UTRN: variants seen among roughly 807,000 people sequenced by gnomAD.
UTRN encodes utrophin.
In UTRN, 283 loss-of-function variants were observed where a neutral mutation model predicts 463.9. That is an observed-to-expected ratio of 0.61 (90% CI 0.55 to 0.67). The LOEUF (loss-of-function observed/expected upper bound fraction) is 0.67, where lower values mean the gene tolerates loss of function less well. Ranked by LOEUF, UTRN falls within the 30% of genes least tolerant of loss-of-function variation. The pLI is 0.00. For synonymous variants in UTRN, 1,442 were observed against 1,431.5 expected (o/e 1.01, Z -0.17); for missense variants, 3,922 against 4,084.3 (o/e 0.96, Z 1.08).
chr6:144,467,451 T>C (rs2128564539), intron 23 of UTRN, among the ~76,000 whole-genome samples: 1 of 152,322 alleles, frequency 6.6e-6, no homozygotes. Context: ...AGTTAGCAGA[T>C]GTGAATGTAA....
rs78494409 is a variant in UTRN, at chr6:144,624,528, G to A, written c.7479+47240G>A. Among the ~76,000 whole-genome samples, 1,500 of 152,276 alleles carry A rather than the reference G, an allele frequency of 9.9e-3. 27 individuals are homozygous for A. Among genetic ancestry groups the A allele is most frequent in the African/African-American group, 0.032 (1,346 of 41,530 alleles). ...TGATACCTGGTTATCATGGGTGTGC[G>A]AGAGGGGAGGGAACATTTGGAGATA... On this transcript the variant is annotated intron_variant, in intron 51 of 74. Coordinates refer to ENST00000367545, the MANE Select transcript of UTRN (RefSeq NM_007124.3).
intron 2 of UTRN, among the ~76,000 whole-genome samples, chr6:144,360,492 G>A (rs1778985288): frequency 6.6e-6 from 1 of 152,100 alleles, no homozygotes; most frequent in African/African-American, 2.4e-5. Flanking sequence ...TACCCTTTTG[G>A]AGATAACCCC....
At chr6:144,623,115 T>C (rs1028056995) in intron 51 of UTRN, among the ~76,000 whole-genome samples, 2 of 152,212 alleles carry the variant, frequency 1.3e-5, no homozygotes, top group Non-Finnish European at 2.9e-5. Flanking sequence ...GCTCTGTAAA[T>C]AGAGGACTGA....
intron 51 of UTRN, among the ~76,000 whole-genome samples, chr6:144,612,610 T>A (rs1805639539): frequency 1.3e-5 from 2 of 152,122 alleles, no homozygotes; most frequent in Admixed American, 1.3e-4. Flanking sequence ...ATGCTTAGCA[T>A]CACTAATTAC....
At chr6:144,625,943 A>G (rs1351056858) in intron 51 of UTRN, among the ~76,000 whole-genome samples, 1 of 152,158 alleles carries the variant, frequency 6.6e-6, no homozygotes, top group Non-Finnish European at 1.5e-5. Context: ...AGGAAAAAAA[A>G]TCAGTTTCTG....
At chr6:144,544,327 A>G (rs376587359) in intron 46 of UTRN, among the ~76,000 whole-genome samples, 1 of 152,334 alleles carries the variant, frequency 6.6e-6, no homozygotes, top group South Asian at 2.1e-4. Context: ...TGCATTCACA[A>G]TGTTGTACAA....
Position 144,467,261 on chromosome 6 carries a change from C to T in UTRN, c.3066+4395C>T, listed in dbSNP as rs189836347. Among the ~76,000 whole-genome samples, 5 of 152,346 alleles carry T rather than the reference C, an allele frequency of 3.3e-5. No individual in the cohort carries two copies. The East Asian group carries it at 7.7e-4, about 24-fold the overall frequency. ...CCTGTCTGCTCATCTGTCTTCAGCC[C>T]AGCTCATCACTACACCCATAGCTAG... On this transcript the variant is annotated intron_variant, in intron 23 of 74. Transcript: ENST00000367545.
At chr6:144,565,492 A>C (rs1235086920) in intron 50 of UTRN, among the ~76,000 whole-genome samples, 2 of 152,160 alleles carry the variant, frequency 1.3e-5, no homozygotes, top group Non-Finnish European at 2.9e-5. Context: ...AACTGAGTCC[A>C]TAAGGCCTAG....
chr6:144,532,686 GA>G (rs1797171912), intron 42 of UTRN, among the ~76,000 whole-genome samples: 1 of 152,182 alleles, frequency 6.6e-6, no homozygotes, highest in Non-Finnish European at 1.5e-5. Context: ...AGGACACAAG[GA>G]TATAAGGATT....
intron 54 of UTRN, among the ~76,000 whole-genome samples, chr6:144,748,023 G>T (rs1172925385): frequency 1.3e-5 from 2 of 152,098 alleles, no homozygotes; most frequent in African/African-American, 4.8e-5. Context: ...ATTAATCTCA[G>T]TAACTGTTTT....
intron 72 of UTRN, 23 bp downstream of exon 72, chr6:144,839,307 T>C (rs1434853419): frequency 1.9e-6 from 3 of 1,572,818 alleles, no homozygotes; most frequent in Non-Finnish European, 2.6e-6. Flanking sequence ...AGCACACAGC[T>C]CCTCTGCTGA....
At chr6:144,537,157 G>A (rs1012085970) in intron 43 of UTRN, among the ~76,000 whole-genome samples, 1 of 151,974 alleles carries the variant, frequency 6.6e-6, no homozygotes, top group African/African-American at 2.4e-5. Context: ...GTGATAACAT[G>A]TCATATAATG....
chr6:144,789,816 C>G (rs1414427569), intron 62 of UTRN, among the ~76,000 whole-genome samples: 1 of 151,972 alleles, frequency 6.6e-6, no homozygotes, highest in Non-Finnish European at 1.5e-5. Flanking sequence ...CAAAATAAAA[C>G]ATGATTTTTA....
intron 74 of UTRN, among the ~76,000 whole-genome samples, chr6:144,849,019 A>G (rs531639197): frequency 9.9e-5 from 15 of 151,934 alleles, no homozygotes; most frequent in Non-Finnish European, 1.8e-4. Context: ...TGGGGAGGGG[A>G]AGTGCTGTGT....
chr6:144,361,664 A>T (rs1052753796), intron 2 of UTRN, among the ~76,000 whole-genome samples: 1 of 152,056 alleles, frequency 6.6e-6, no homozygotes, highest in Non-Finnish European at 1.5e-5. Flanking sequence ...ACCATGGCTC[A>T]TGCAGCCTCA....
chr6:144,406,187 G>A (rs922590991), intron 3 of UTRN, among the ~76,000 whole-genome samples: 1 of 152,040 alleles, frequency 6.6e-6, no homozygotes, highest in Non-Finnish European at 1.5e-5. Flanking sequence ...ATTAATTAAT[G>A]AGTTAAATAA....
chr6:144,817,249 G>C (rs1323196697), intron 65 of UTRN, among the ~76,000 whole-genome samples: 1 of 152,134 alleles, frequency 6.6e-6, no homozygotes, highest in Non-Finnish European at 1.5e-5. Context: ...ATGCTAACCT[G>C]TTACCCTTGT....
In UTRN at chr6:144,419,124, C is replaced by T. The variant is rs552371896; in HGVS notation, c.142-2754C>T. 1.7e-3 allele frequency among the ~76,000 whole-genome samples: 255 copies of T among 152,298 alleles called. 1 individual carries two copies. Among genetic ancestry groups the T allele is most frequent in the African/African-American group, 5.8e-3 (242 of 41,562 alleles). The stretch of plus-strand genomic sequence containing the variant: ...GTGGGGGAGGGGGATTAGACGTAGG[C>T]AGGTGACGAAGGCCACTTCTGCCCA... On this transcript the variant is annotated intron_variant, in intron 3 of 74. Transcript: ENST00000367545.
chr6:144,661,585 T>G (rs1321296721), intron 51 of UTRN, among the ~76,000 whole-genome samples: 1 of 152,190 alleles, frequency 6.6e-6, no homozygotes, highest in African/African-American at 2.4e-5. Context: ...ATATCTTCCT[T>G]ATGGCAGCTG....
Sources: gnomAD v4.1 joint callset for allele counts (sites outside exome capture counted in the v4.1 genomes callset) on GRCh38, gnomAD v4.1.1 for gene constraint, MANE v1.5 for transcripts, NCBI Gene and HGNC (gene_info 2026-07-23, HGNC 2026-07-21) for gene names.